The following FHL1 variants were observed in gnomAD, a reference collection of about 807,000 sequenced individuals.
The protein encoded by FHL1 is four and a half LIM domains protein 1.
FHL1 carries 1 observed loss-of-function variant against 20.3 expected under a neutral mutation model. That is an observed-to-expected ratio of 0.05 (90% CI 0.02 to 0.23). The LOEUF (loss-of-function observed/expected upper bound fraction) is 0.23, where lower values mean the gene tolerates loss of function less well. Ranked by LOEUF, FHL1 falls within the 10% of genes least tolerant of loss-of-function variation. The probability of loss-of-function intolerance (pLI) is 1.00; values close to 1 mark genes in which losing one functional copy is unlikely to be tolerated. For missense variants in FHL1, 177 were observed against 234.0 expected (o/e 0.76, Z 1.59); for synonymous variants, 82 against 88.9 (o/e 0.92, Z 0.44).
chrX:136,155,400 A>G (rs1375392648), intron 1 of FHL1, among the ~76,000 whole-genome samples: 1 of 112,233 alleles, frequency 8.9e-6, no homozygotes, highest in African/African-American at 3.2e-5. Context: ...TAAACAAAAT[A>G]TGTACAGAGA....
chrX:136,169,768 C>CT (rs1415873173), intron 1 of FHL1: 1 of 330,468 alleles, frequency 3.0e-6, no homozygotes, highest in South Asian at 2.6e-5. Context: ...TCCTTTAACT[C>CT]TAAGGGTTGT....
intron 1 of FHL1, 37 bp downstream of exon 1, chrX:136,197,171 G>A (rs1347568988): frequency 1.3e-5 from 15 of 1,155,449 alleles, no homozygotes; most frequent in Non-Finnish European, 1.7e-5. Flanking sequence ...ATTGAGCACA[G>A]TTTTGTTAGG....
At chrX:136,182,168 A>C (rs191430520) in intron 2 of FHL1, among the ~76,000 whole-genome samples, 18 of 112,159 alleles carry the variant, frequency 1.6e-4, no homozygotes, top group Non-Finnish European at 2.6e-4. Flanking sequence ...CCTAAAAAAG[A>C]GGGGATACAC....
At chrX:136,208,073 G>C (rs1387217066) in intron 4 of FHL1, 112 bp downstream of exon 4, 2 of 938,941 alleles carry the variant, frequency 2.1e-6, no homozygotes, top group African/African-American at 3.8e-5. Context: ...GCCCTGTGAC[G>C]TAGGAATTAT....
chrX:136,208,002 G>C (rs1453729604), intron 4 of FHL1, 41 bp downstream of exon 4: 1 of 1,195,856 alleles, frequency 8.4e-7, no homozygotes, highest in Admixed American at 2.2e-5. Flanking sequence ...GTTGTTTCTA[G>C]AAGTGTTTGA....
chrX:136,169,557 G>A (rs945034423), upstream of FHL1: 17 of 245,057 alleles, frequency 6.9e-5, no homozygotes, highest in East Asian at 7.5e-4. Context: ...TATTCTAAAC[G>A]ACTGAGTCAT....
At chrX:136,177,048 A>ACACACACAC (rs1569529019) in intron 2 of FHL1, among the ~76,000 whole-genome samples, 5 of 110,366 alleles carry the variant, frequency 4.5e-5, no homozygotes, top group Non-Finnish European at 9.5e-5. Context: ...ACACACACAT[A>ACACACACAC]ATGTCTCAAG....
At chrX:136,201,437 C>T (rs1329133874) in intron 1 of FHL1, among the ~76,000 whole-genome samples, 1 of 111,558 alleles carries the variant, frequency 9.0e-6, no homozygotes, top group Admixed American at 9.5e-5. Context: ...CGATTTTTCC[C>T]TTAGCAGTAG....
intron 4 of FHL1, 125 bp from the exon 5 acceptor site, chrX:136,208,330 A>G (rs1181282625): frequency 5.4e-6 from 4 of 737,188 alleles, no homozygotes; most frequent in Non-Finnish European, 8.4e-6. Flanking sequence ...CCTGCCTCCC[A>G]TGGCTGTTGT....
chrX:136,157,881 A>G (rs1280222695), intron 1 of FHL1, among the ~76,000 whole-genome samples: 1 of 112,077 alleles, frequency 8.9e-6, no homozygotes, highest in Non-Finnish European at 1.9e-5. Context: ...TTGAAGAGAA[A>G]TTACAGCCAA....
chrX:136,209,432 C>G, intron 5 of FHL1: 1 of 1,210,802 alleles, frequency 8.3e-7, no homozygotes. Context: ...TTAGCAGCTC[C>G]TCGAGGCCCG....
chrX:136,202,749 C>T (rs775582128), intron 1 of FHL1, among the ~76,000 whole-genome samples: 1 of 111,696 alleles, frequency 9.0e-6, no homozygotes, highest in South Asian at 3.8e-4. Flanking sequence ...AGCGAGACTC[C>T]GTCTAAAATA....
chrX:136,199,868 A>G (rs1323174044), intron 1 of FHL1, among the ~76,000 whole-genome samples: 3 of 112,536 alleles, frequency 2.7e-5, no homozygotes, highest in Non-Finnish European at 5.6e-5. Context: ...GATGAACAAT[A>G]GGAAGAAATA....
intron 2 of FHL1, among the ~76,000 whole-genome samples, chrX:136,184,877 C>A (rs1252151459): frequency 9.0e-6 from 1 of 111,439 alleles, no homozygotes; most frequent in Non-Finnish European, 1.9e-5. Context: ...TAAAACAATT[C>A]AATAGGGAAA....
intron 1 of FHL1, among the ~76,000 whole-genome samples, chrX:136,197,480 A>G (rs994498257): frequency 8.9e-6 from 1 of 112,120 alleles, no homozygotes; most frequent in African/African-American, 3.2e-5. Flanking sequence ...ATAAGATACA[A>G]TTCTTCATCT....
intron 2 of FHL1, among the ~76,000 whole-genome samples, chrX:136,178,536 C>T (rs1345886077): frequency 9.0e-6 from 1 of 110,783 alleles, no homozygotes; most frequent in Non-Finnish European, 1.9e-5. Flanking sequence ...GCAGAGGGTG[C>T]AGGGTGCAGA....
At chrX:136,203,709 G>A (rs17001984) in intron 1 of FHL1, among the ~76,000 whole-genome samples, 2,138 of 111,963 alleles carry the variant, frequency 0.019, 39 homozygotes, top group African/African-American at 0.064. Flanking sequence ...GAAAGTGTGT[G>A]GTTTTAAAGT....
rs1603274066 is a variant in FHL1 at position 136,210,502 on chromosome X, G to A, written c.*477G>A. 2.0e-5 allele frequency: 8 copies of A among 391,209 alleles called. No individual in the cohort carries two copies. The East Asian group carries it at 4.2e-4, about 21-fold the overall frequency. The allele number at this position is 391,209 out of a possible 1,213,427, so 32.2% of individuals were successfully genotyped here. A position where few individuals can be genotyped will look rare whatever the true frequency, so the allele number is the denominator to read the frequency against. ...GGAAAAGAACCCTACTGACATGCATGGTTTAACTTCCTCATCAGAACTCTG... is the reference window on the plus strand; with the variant it reads ...GGAAAAGAACCCTACTGACATGCATAGTTTAACTTCCTCATCAGAACTCTG... On this transcript the variant is annotated 3_prime_UTR_variant, in exon 6 of 6. Coordinates refer to ENST00000370683, the MANE Select transcript of FHL1 (RefSeq NM_001159699.2).
chrX:136,186,087 T>A (rs1313839921), intron 2 of FHL1, among the ~76,000 whole-genome samples: 1 of 112,387 alleles, frequency 8.9e-6, no homozygotes, highest in African/African-American at 3.2e-5. Flanking sequence ...CACACTAAGT[T>A]GCCTCTTTAA....
Sources: allele counts gnomAD v4.1 joint callset (sites outside exome capture counted in the v4.1 genomes callset), GRCh38; gene constraint gnomAD v4.1.1; transcripts MANE v1.5; gene names NCBI Gene and HGNC (gene_info 2026-07-23, HGNC 2026-07-21).